The following PRKN variants were observed in gnomAD, a reference collection of about 807,000 sequenced individuals.
PRKN encodes the protein parkin RBR E3 ubiquitin protein ligase.
PRKN carries 56 observed loss-of-function variants against 59.5 expected under a neutral mutation model. The observed-to-expected ratio is 0.94, with a 90% CI of 0.76 to 1.18. The LOEUF is 1.18. Among genes scored for constraint, PRKN ranks in the 50% most tolerant of loss-of-function variants. The pLI, the probability that PRKN is intolerant of heterozygous loss-of-function variation, is 0.00. For missense variants in PRKN, 657 were observed against 596.4 expected (o/e 1.10, Z -1.06); for synonymous variants, 250 against 222.1 (o/e 1.13, Z -1.12).
At chr6:162,031,499 G>T (rs1783636984) in intron 5 of PRKN, among the ~76,000 whole-genome samples, 1 of 151,424 alleles carries the variant, frequency 6.6e-6, no homozygotes, top group Admixed American at 6.6e-5. Context: ...ATATTCAAAA[G>T]GCTGCCAAAA....
chr6:162,682,004 A>G lies in PRKN; in HGVS notation c.7+45658T>C, dbSNP rs1012342340. Among the ~76,000 whole-genome samples, 6 of 152,186 alleles carry G rather than the reference A, an allele frequency of 3.9e-5. No individual in the cohort carries two copies. In the South Asian group the frequency reaches 1.2e-3, roughly 31 times the overall value. ...CACTGGTAACAAAATGAATATTTTT[A>G]TATGTGACAGTATTTTAGAAAATAA... On this transcript the variant is annotated intron_variant, in intron 1 of 11. Transcript: ENST00000366898.
chr6:162,500,765 C>T (rs1184885044), intron 1 of PRKN, among the ~76,000 whole-genome samples: 1 of 152,128 alleles, frequency 6.6e-6, no homozygotes, highest in Non-Finnish European at 1.5e-5. Context: ...CTGTATATAA[C>T]TTGAATGTAT....
At chr6:162,702,719 C>T (rs7773065) in intron 1 of PRKN, among the ~76,000 whole-genome samples, 37,744 of 152,124 alleles carry the variant, frequency 0.25, 5,492 homozygotes, top group African/African-American at 0.38. Flanking sequence ...GGCTGTCTAC[C>T]TTATCCTACT....
At chr6:162,013,266 T>A (rs73030424) in intron 5 of PRKN, among the ~76,000 whole-genome samples, 23,573 of 152,142 alleles carry the variant, frequency 0.15, 1,944 homozygotes, top group South Asian at 0.25. Context: ...TTTATTTTGA[T>A]ACTCAATTCC....
intron 7 of PRKN, among the ~76,000 whole-genome samples, chr6:161,749,681 G>A (rs1314199112): frequency 6.6e-6 from 1 of 152,064 alleles, no homozygotes; most frequent in East Asian, 1.9e-4. Context: ...AATGAGCTGG[G>A]GAAGCTGTAG....
chr6:161,539,462 G>T (rs1407379607), intron 9 of PRKN, among the ~76,000 whole-genome samples: 1 of 149,574 alleles, frequency 6.7e-6, no homozygotes, highest in Non-Finnish European at 1.5e-5. Context: ...GTTGGTTTCT[G>T]TGCCCTCGGT....
chr6:161,844,483 T>C (rs1007872450), intron 6 of PRKN, among the ~76,000 whole-genome samples: 3 of 152,208 alleles, frequency 2.0e-5, no homozygotes, highest in Non-Finnish European at 4.4e-5. Context: ...GGTTGGACTT[T>C]CTGCTGTCGT....
chr6:162,592,467 T>G (rs900338855), intron 1 of PRKN, among the ~76,000 whole-genome samples: 4 of 152,198 alleles, frequency 2.6e-5, no homozygotes, highest in Non-Finnish European at 5.9e-5. Flanking sequence ...TTGTCCCCAT[T>G]TGGGTTCTGT....
chr6:162,669,117 A>G (rs1779222117), intron 1 of PRKN, among the ~76,000 whole-genome samples: 1 of 152,088 alleles, frequency 6.6e-6, no homozygotes, highest in African/African-American at 2.4e-5. Context: ...AGTTTTTTTT[A>G]TTATACCATC....
chr6:161,396,065 G>T lies in PRKN; in HGVS notation c.1084-9188C>A, dbSNP rs1018818134. Among the ~76,000 whole-genome samples the T allele has an allele frequency of 1.3e-5, 2 of 152,188 alleles. No individual in the cohort carries two copies. The highest frequency in any genetic ancestry group is 2.9e-5 in the Non-Finnish European group (2 of 68,030). On this transcript the variant is annotated intron_variant, in intron 9 of 11. Coordinates refer to ENST00000366898, the MANE Select transcript of PRKN (RefSeq NM_004562.3). The surrounding 1 kb of genome is among the most constrained non-coding windows in gnomAD (Gnocchi z 5.4). ...GTGACGCTTGCCAGGTGACCTGACT[G>T]CAGCAGTCTGCCAGAGGACAGGGGA...
chr6:161,610,282 G>T (rs1433640581), intron 7 of PRKN, among the ~76,000 whole-genome samples: 2 of 151,988 alleles, frequency 1.3e-5, no homozygotes, highest in African/African-American at 4.8e-5. Flanking sequence ...CGGGAGCTGG[G>T]ATGTCCGCGA....
intron 7 of PRKN, among the ~76,000 whole-genome samples, chr6:161,691,155 C>T (rs1412108957): frequency 6.6e-6 from 1 of 152,136 alleles, no homozygotes; most frequent in Non-Finnish European, 1.5e-5. Flanking sequence ...GGTTCTGTTT[C>T]TCCAGAGAGC....
chr6:162,562,211 T>A (rs1779874421), intron 1 of PRKN, among the ~76,000 whole-genome samples: 1 of 152,172 alleles, frequency 6.6e-6, no homozygotes, highest in African/African-American at 2.4e-5. Flanking sequence ...GGGAACCCAC[T>A]GCCTTGAAAG....
intron 1 of PRKN, among the ~76,000 whole-genome samples, chr6:162,559,817 T>C (rs1323166518): frequency 6.6e-6 from 1 of 151,078 alleles, no homozygotes; most frequent in Non-Finnish European, 1.5e-5. Context: ...ATTTTGTTGA[T>C]GGAGATAGAA....
intron 1 of PRKN, among the ~76,000 whole-genome samples, chr6:162,665,403 A>T (rs979482989): frequency 6.6e-6 from 1 of 152,052 alleles, no homozygotes; most frequent in African/African-American, 2.4e-5. Flanking sequence ...GCAAGCAGAG[A>T]GACAAATCAT....
Position 161,549,135 on chromosome 6 carries a change from TG to T in PRKN, c.934-133del. The stretch of plus-strand genomic sequence containing the variant: ...AATAATGCATGTGTGTGTGTGTGTG[TG>T]TGTGTAGGGGGAGGGAGAGGGCCAC... On this transcript the variant is annotated intron_variant, in intron 8 of 11. Coordinates refer to ENST00000366898, the MANE Select transcript of PRKN (RefSeq NM_004562.3). This position sits in a 1 kb window ranked among gnomAD's most constrained non-coding sequence, Gnocchi z 6.0. 1 of 953,890 alleles carries T rather than the reference TG, an allele frequency of 1.0e-6. No homozygotes were observed. Among genetic ancestry groups the T allele is most frequent in the Non-Finnish European group, 1.7e-6 (1 of 605,768 alleles). 59.1% of individuals were successfully genotyped at this position (953,890 alleles called of 1,614,324 possible).
chr6:162,482,057 T>C (rs1224941658), intron 1 of PRKN, among the ~76,000 whole-genome samples: 1 of 152,132 alleles, frequency 6.6e-6, no homozygotes, highest in Non-Finnish European at 1.5e-5. Context: ...CTTAAACTTC[T>C]AGTTATAGAA....
At chr6:161,531,690 T>C (rs936698442) in intron 9 of PRKN, among the ~76,000 whole-genome samples, 2 of 152,162 alleles carry the variant, frequency 1.3e-5, no homozygotes, top group African/African-American at 2.4e-5. Context: ...CTGTCCCTGC[T>C]GCTCTAGGGC....
chr6:162,211,963 G>C (rs1785216835), intron 3 of PRKN, among the ~76,000 whole-genome samples: 1 of 152,014 alleles, frequency 6.6e-6, no homozygotes, highest in Non-Finnish European at 1.5e-5. Context: ...CATGCTGGGG[G>C]GAAAACATAG....
Sources: gnomAD v4.1 joint callset for allele counts (sites outside exome capture counted in the v4.1 genomes callset) on GRCh38, gnomAD v4.1.1 for gene constraint, Gnocchi (gnomAD v3.1) non-coding constraint, MANE v1.5 for transcripts, NCBI Gene and HGNC (gene_info 2026-07-23, HGNC 2026-07-21) for gene names.